The following INSYN2A variants were observed in gnomAD, a reference collection of about 807,000 sequenced individuals.
The protein encoded by INSYN2A is inhibitory synaptic factor 2A.
Under a neutral mutation model 39.4 loss-of-function variants are expected in INSYN2A, and 17 were observed. That is an observed-to-expected ratio of 0.43 (90% CI 0.30 to 0.65). The LOEUF is 0.65. Ranked by LOEUF, INSYN2A falls within the 30% of genes least tolerant of loss-of-function variation. The pLI is 0.14. For missense variants in INSYN2A, 595 were observed against 631.2 expected (o/e 0.94, Z 0.61); for synonymous variants, 255 against 265.7 (o/e 0.96, Z 0.39).
intron 5 of INSYN2A, among the ~76,000 whole-genome samples, chr10:127,142,398 T>C (rs1318087151): frequency 6.6e-6 from 1 of 152,138 alleles, no homozygotes; most frequent in Non-Finnish European, 1.5e-5. Flanking sequence ...GCCCTCCTGC[T>C]GGAGGGATCT....
chr10:127,167,880 G>T (rs1184394588), intron 4 of INSYN2A, among the ~76,000 whole-genome samples: 1 of 152,074 alleles, frequency 6.6e-6, no homozygotes, highest in Non-Finnish European at 1.5e-5. Context: ...CTGTGTTCAA[G>T]CTCCTCCCCT....
rs1385811308 is a variant in INSYN2A at position 127,188,135 on chromosome 10, G to A, written c.-269+4470C>T. On this transcript the variant is annotated intron_variant, in intron 2 of 5. Coordinates refer to ENST00000522781, the MANE Select transcript of INSYN2A (RefSeq NM_001039762.3). ...TAGAATGAACCTGGACATCAGCCAG[G>A]TGTTGGGATGATCACCAGCAGATCC... Among the ~76,000 whole-genome samples, 3 of 152,316 alleles carry A rather than the reference G, an allele frequency of 2.0e-5. No homozygotes were observed. In the East Asian group the frequency reaches 5.8e-4, roughly 29 times the overall value.
intron 2 of INSYN2A, among the ~76,000 whole-genome samples, chr10:127,185,295 G>A (rs1016068367): frequency 1.4e-4 from 22 of 152,200 alleles, no homozygotes; most frequent in African/African-American, 5.1e-4. Flanking sequence ...TTGGGAGGCT[G>A]AGGTGGGTGG....
chr10:127,178,862 G>T (rs1431234685), intron 2 of INSYN2A, among the ~76,000 whole-genome samples: 1 of 152,198 alleles, frequency 6.6e-6, no homozygotes, highest in Non-Finnish European at 1.5e-5. Context: ...ATCCCAGCAG[G>T]TTAAACAGAT....
chr10:127,140,327 C>T (rs1171011002), intron 5 of INSYN2A, among the ~76,000 whole-genome samples: 3 of 152,176 alleles, frequency 2.0e-5, no homozygotes, highest in Admixed American at 6.5e-5. Flanking sequence ...CCTGTTTGCA[C>T]TCCCCATTAT....
chr10:127,193,232 CTG>C (rs896630203), intron 1 of INSYN2A, among the ~76,000 whole-genome samples: 3 of 152,168 alleles, frequency 2.0e-5, no homozygotes, highest in Non-Finnish European at 4.4e-5. Context: ...TTATGAAAGA[CTG>C]TTGAAAATGA....
At position 127,169,750 on chromosome 10, in the gene INSYN2A, C is replaced by T. The variant is rs563438024; in HGVS notation, c.1184+5462G>A. ...GCCATGTAGGAGCTGACCCTGAGCC[C>T]CTGCAGTAAACACAGATGTCCATGA... On this transcript the variant is annotated intron_variant, in intron 4 of 5. Transcript: ENST00000522781. 2.0e-5 allele frequency among the ~76,000 whole-genome samples: 3 copies of T among 152,250 alleles called. No individual in the cohort carries two copies. The East Asian group carries it at 5.8e-4, about 29-fold the overall frequency.
chr10:127,140,699 C>G (rs2051155635), intron 5 of INSYN2A, among the ~76,000 whole-genome samples: 1 of 70,380 alleles, frequency 1.4e-5, no homozygotes, highest in South Asian at 4.8e-4. Context: ...AGAAACCTGA[C>G]TGGAGGAGGC....
chr10:127,191,290 C>T (rs989550763), intron 2 of INSYN2A, among the ~76,000 whole-genome samples: 2 of 152,146 alleles, frequency 1.3e-5, no homozygotes, highest in East Asian at 1.9e-4. Context: ...TGGACTTGAG[C>T]TTCTTGGAGT....
At chr10:127,156,829 A>G (rs112145238) in intron 4 of INSYN2A, among the ~76,000 whole-genome samples, 1 of 151,794 alleles carries the variant, frequency 6.6e-6, no homozygotes, top group South Asian at 2.1e-4. Flanking sequence ...CGGCCTCCCA[A>G]AGTGTTGGGA....
chr10:127,193,918 A>G (rs775165655), intron 1 of INSYN2A, among the ~76,000 whole-genome samples: 2 of 152,182 alleles, frequency 1.3e-5, no homozygotes, highest in Non-Finnish European at 2.9e-5. Flanking sequence ...GGAGCTTCCC[A>G]GCTTTTGCCT....
chr10:127,157,291 T>G (rs903534305), intron 4 of INSYN2A, among the ~76,000 whole-genome samples: 9 of 152,120 alleles, frequency 5.9e-5, no homozygotes, highest in African/African-American at 2.2e-4. Context: ...CATCCTGCAG[T>G]GGGAATGATG....
At position 127,176,500 on chromosome 10, in the gene INSYN2A, C is replaced by G; in HGVS notation, c.-5-100G>C. On this transcript the variant is annotated intron_variant, in intron 3 of 5. Coordinates refer to ENST00000522781, the MANE Select transcript of INSYN2A (RefSeq NM_001039762.3). The surrounding 1 kb of genome is among the most constrained non-coding windows in gnomAD (Gnocchi z 4.4). The stretch of plus-strand genomic sequence containing the variant: ...AGCCACCACGACGACTGCCTGTTTC[C>G]TAATTATATTTAAGCAGGTGAGGTC... 1.0e-6 allele frequency: 1 copy of G among 981,084 alleles called. No homozygotes were observed. Among genetic ancestry groups the G allele is most frequent in the Non-Finnish European group, 1.5e-6 (1 of 667,014 alleles). The allele number at this position is 981,084 out of a possible 1,614,324, so 60.8% of individuals were successfully genotyped here.
intron 4 of INSYN2A, among the ~76,000 whole-genome samples, chr10:127,168,828 G>A (rs1194956300): frequency 1.3e-5 from 2 of 152,078 alleles, no homozygotes; most frequent in African/African-American, 2.4e-5. Context: ...CTGCTGCAGC[G>A]GTGCACAATT....
At chr10:127,169,196 TACAC>T (rs1309589979) in intron 4 of INSYN2A, among the ~76,000 whole-genome samples, 2 of 152,226 alleles carry the variant, frequency 1.3e-5, no homozygotes, top group South Asian at 2.1e-4. Flanking sequence ...ATGTGTGTCA[TACAC>T]ACACAGAGTT....
intron 2 of INSYN2A, among the ~76,000 whole-genome samples, chr10:127,183,071 CTTTTTTTTTTTTTT>C (rs3066813): frequency 1.7e-4 from 15 of 88,634 alleles, no homozygotes; most frequent in Non-Finnish European, 3.0e-4. Flanking sequence ...TATGGTGAAT[CTTTTTTTTTTTTTT>C]TTTTTTTTTT....
At chr10:127,138,851 T>A (rs2050947456) in intron 5 of INSYN2A, among the ~76,000 whole-genome samples, 1 of 152,236 alleles carries the variant, frequency 6.6e-6, no homozygotes, top group African/African-American at 2.4e-5. Context: ...GCTGTCAACT[T>A]GTCTAGAGCC....
intron 5 of INSYN2A, among the ~76,000 whole-genome samples, chr10:127,142,490 G>A (rs1435910318): frequency 6.6e-6 from 1 of 152,176 alleles, no homozygotes; most frequent in African/African-American, 2.4e-5. Context: ...CCTGGAAAAA[G>A]TCCTGATTCT....
rs1336394017 is a variant in INSYN2A, at chr10:127,196,089, C to A, written c.-487G>T. Reference sequence around the variant, plus strand: ...CTGGCAAGCCTGGGGCGGCACGGAGCACTCCGGACAGGGCATCCGCGGCCA... The same window carrying A: ...CTGGCAAGCCTGGGGCGGCACGGAGAACTCCGGACAGGGCATCCGCGGCCA... On this transcript the variant is annotated 5_prime_UTR_variant, in exon 1 of 6. Transcript: ENST00000522781. 6.6e-6 allele frequency: 1 copy of A among 152,142 alleles called. No homozygotes were observed. The highest frequency in any genetic ancestry group is 1.5e-5 in the Non-Finnish European group (1 of 68,058). 9.4% of individuals were successfully genotyped at this position (152,142 alleles called of 1,614,324 possible).
Sources: gnomAD v4.1 joint callset for allele counts (sites outside exome capture counted in the v4.1 genomes callset) on GRCh38, gnomAD v4.1.1 for gene constraint, Gnocchi (gnomAD v3.1) non-coding constraint, MANE v1.5 for transcripts, NCBI Gene and HGNC (gene_info 2026-07-23, HGNC 2026-07-21) for gene names.